The following APBB2 variants were observed in gnomAD, a reference collection of about 807,000 sequenced individuals.
APBB2 encodes the protein amyloid beta precursor protein binding family B member 2, also known as Fe65-like 1.
A neutral mutation model predicts 82.5 loss-of-function variants in APBB2; 38 were observed. The observed-to-expected ratio is 0.46, with a 90% CI of 0.36 to 0.60. The LOEUF (loss-of-function observed/expected upper bound fraction) is 0.60. Among genes scored for constraint, APBB2 ranks in the 20% least tolerant of loss-of-function variants. The pLI is 0.00. For missense variants in APBB2, 772 were observed against 972.3 expected, an observed-to-expected ratio of 0.79 and a Z score of 2.74; for synonymous variants, 341 against 368.2, an observed-to-expected ratio of 0.93 and a Z score of 0.85.
chr4:40,938,013 A>C (rs955485069), intron 7 of APBB2, among the ~76,000 whole-genome samples: 8 of 152,230 alleles, frequency 5.3e-5, no homozygotes, highest in Admixed American at 5.2e-4. Context: ...AAAGAGAAAA[A>C]CATTAAAAGG....
intron 3 of APBB2, among the ~76,000 whole-genome samples, chr4:41,089,911 A>G (rs1741107401): frequency 6.6e-6 from 1 of 152,234 alleles, no homozygotes; most frequent in African/African-American, 2.4e-5. Context: ...ATTATTGTCA[A>G]GCATTACCTG....
At chr4:41,115,270 A>C (rs1219239486) in intron 2 of APBB2, among the ~76,000 whole-genome samples, 8 of 152,246 alleles carry the variant, frequency 5.3e-5, no homozygotes, top group African/African-American at 1.9e-4. Flanking sequence ...GGCTAGCCAT[A>C]TGCAGAAAAC....
chr4:40,985,440 T>C (rs1800173434), intron 6 of APBB2, among the ~76,000 whole-genome samples: 1 of 152,196 alleles, frequency 6.6e-6, no homozygotes, highest in South Asian at 2.1e-4. Flanking sequence ...AGTAGAGCTT[T>C]TCAGGCGGTT....
At chr4:41,200,327 G>C (rs140783502) in intron 1 of APBB2, among the ~76,000 whole-genome samples, 1 of 151,864 alleles carries the variant, frequency 6.6e-6, no homozygotes. Context: ...AGTACTAACA[G>C]GTTATTCCAA....
At chr4:40,863,895 A>AAAAAAAAG (rs1763401514) in intron 12 of APBB2, among the ~76,000 whole-genome samples, 1 of 148,404 alleles carries the variant, frequency 6.7e-6, no homozygotes, top group Non-Finnish European at 1.5e-5. Flanking sequence ...CTGTCTCAAA[A>AAAAAAAAG]AAAAAAAAAA....
intron 4 of APBB2, among the ~76,000 whole-genome samples, chr4:41,051,680 C>T (rs534011958): frequency 6.6e-6 from 1 of 152,318 alleles, no homozygotes; most frequent in South Asian, 2.1e-4. Context: ...CGAAGGCCTA[C>T]AGTCGATATT....
intron 10 of APBB2, among the ~76,000 whole-genome samples, chr4:40,901,332 C>G (rs941651249): frequency 3.1e-4 from 47 of 151,972 alleles, no homozygotes; most frequent in Non-Finnish European, 1.2e-4. Context: ...CCAATCCTGA[C>G]ATATCATAGC....
At chr4:41,034,553 G>C (rs1287789012) in intron 4 of APBB2, among the ~76,000 whole-genome samples, 4 of 152,334 alleles carry the variant, frequency 2.6e-5, no homozygotes, top group Non-Finnish European at 5.9e-5. Flanking sequence ...TTGAACTCCT[G>C]ACCTCAAGTG....
intron 13 of APBB2, among the ~76,000 whole-genome samples, chr4:40,829,089 C>G (rs1426387257): frequency 6.6e-6 from 1 of 152,112 alleles, no homozygotes; most frequent in East Asian, 1.9e-4. Flanking sequence ...AAGTCTGGGG[C>G]ATGGAAAGGG....
intron 3 of APBB2, among the ~76,000 whole-genome samples, chr4:41,067,424 A>AAG (rs1161976195): frequency 6.6e-6 from 1 of 152,100 alleles, no homozygotes; most frequent in Admixed American, 6.6e-5. Flanking sequence ...AAAAAAAAAA[A>AAG]AGAGAGAGAA....
rs1744883130 is a variant in APBB2 at position 40,813,624 on chromosome 4, T to C, written c.*2468A>G. On this transcript the variant is annotated 3_prime_UTR_variant, in exon 18 of 18. Transcript: ENST00000508593. ...CAAAGTTTTCAATATGTAAAGGCTA[T>C]CATTCATCTTAATGCATCCTATAAT... is the stretch of plus-strand genomic sequence containing the variant. The C allele has an allele frequency of 6.6e-6, 1 of 152,242 alleles. No individual in the cohort carries two copies. Among genetic ancestry groups the C allele is most frequent in the Non-Finnish European group, 1.5e-5 (1 of 68,034 alleles). 9.4% of individuals were successfully genotyped at this position (152,242 alleles called of 1,614,324 possible).
chr4:41,089,439 G>A (rs980835400), intron 3 of APBB2, among the ~76,000 whole-genome samples: 13 of 152,158 alleles, frequency 8.5e-5, no homozygotes, highest in African/African-American at 3.1e-4. Context: ...TTTTTTTAGG[G>A]AAGCTCAACC....
chr4:40,893,272 CA>C lies in APBB2; in HGVS notation c.1393del (p.Trp465GlyfsTer9). ...KNDIRDTVGI[W>X]GEGKDMYLIL... ...ATTCTACATGCCACTTACCTCTCCC[CA>C]AATCCCGACTGTGTCTCGGATGTCA... On this transcript the variant is annotated frameshift_variant, in exon 11 of 18. Coordinates refer to ENST00000508593, the MANE Select transcript of APBB2 (RefSeq NM_004307.2). LOFTEE classifies it high-confidence loss of function. 2 of 1,613,414 alleles carry C rather than the reference CA, an allele frequency of 1.2e-6. No individual in the cohort carries two copies. Among genetic ancestry groups the C allele is most frequent in the Non-Finnish European group, 1.7e-6 (2 of 1,179,762 alleles).
intron 6 of APBB2, among the ~76,000 whole-genome samples, chr4:41,004,572 G>C (rs1264253321): frequency 2.0e-5 from 3 of 150,838 alleles, no homozygotes; most frequent in Non-Finnish European, 3.0e-5. Flanking sequence ...CGGGCACGAT[G>C]GTTCACGCCT....
intron 6 of APBB2, among the ~76,000 whole-genome samples, chr4:41,000,668 T>C (rs1352634067): frequency 1.3e-5 from 2 of 152,156 alleles, no homozygotes; most frequent in Non-Finnish European, 2.9e-5. Flanking sequence ...GTTCCTAGCA[T>C]ATAAGAGACA....
intron 10 of APBB2, among the ~76,000 whole-genome samples, chr4:40,912,823 G>A (rs1290115611): frequency 6.6e-6 from 1 of 152,150 alleles, no homozygotes; most frequent in Admixed American, 6.5e-5. Flanking sequence ...CAAGAAGCTC[G>A]GCTGGCAGAA....
chr4:40,896,943 A>G (rs968259333), intron 10 of APBB2, among the ~76,000 whole-genome samples: 4 of 152,206 alleles, frequency 2.6e-5, no homozygotes, highest in African/African-American at 9.7e-5. Flanking sequence ...TAAGACAGCA[A>G]TGTTACTGTG....
At chr4:41,156,858 G>C (rs1763587056) in intron 1 of APBB2, among the ~76,000 whole-genome samples, 1 of 152,120 alleles carries the variant, frequency 6.6e-6, no homozygotes, top group Non-Finnish European at 1.5e-5. Flanking sequence ...CTGAGGTTAG[G>C]AGTTCGAGAC....
At chr4:41,154,199 A>C (rs895282023) in intron 1 of APBB2, among the ~76,000 whole-genome samples, 1 of 152,208 alleles carries the variant, frequency 6.6e-6, no homozygotes, top group Non-Finnish European at 1.5e-5. Context: ...TTACTGATTA[A>C]CCTTTGGAGG....
Sources: gnomAD v4.1 joint callset for allele counts (sites outside exome capture counted in the v4.1 genomes callset) on GRCh38, gnomAD v4.1.1 for gene constraint, MANE v1.5 for transcripts, NCBI Gene and HGNC (gene_info 2026-07-23, HGNC 2026-07-21) for gene names.